Variants in ATP8B1 observed in about 807,000 individuals in gnomAD.
ATP8B1 encodes ATPase phospholipid transporting 8B1.
Under a neutral mutation model 149.9 loss-of-function variants are expected in ATP8B1, and 80 were observed. That is an observed-to-expected ratio of 0.53 (90% CI 0.45 to 0.64). The LOEUF is 0.64. ATP8B1 is among the 30% of genes least tolerant of loss of function. The pLI is 0.00. For missense variants in ATP8B1, 1,247 were observed against 1,552.6 expected (o/e 0.80, Z 3.31); for synonymous variants, 536 against 562.8 (o/e 0.95, Z 0.67).
At chr18:57,730,390 A>G (rs1027930638) in intron 2 of ATP8B1, among the ~76,000 whole-genome samples, 6 of 4,920 alleles carry the variant, frequency 1.2e-3, no homozygotes, top group African/African-American at 1.4e-3. Context: ...CCAGAACACT[A>G]TGATAATGAT....
At chr18:57,670,243 A>G (rs1911141334) in intron 17 of ATP8B1, among the ~76,000 whole-genome samples, 1 of 152,176 alleles carries the variant, frequency 6.6e-6, no homozygotes, top group Non-Finnish European at 1.5e-5. Flanking sequence ...CAATTCTAAA[A>G]TACACAAGCC....
intron 1 of ATP8B1, among the ~76,000 whole-genome samples, chr18:57,792,291 G>A (rs2080470570): frequency 6.6e-6 from 1 of 150,806 alleles, no homozygotes; most frequent in Non-Finnish European, 1.5e-5. Context: ...CAATAAGGAT[G>A]AAATTTTATT....
At chr18:57,798,373 C>T (rs1256708158) in intron 1 of ATP8B1, among the ~76,000 whole-genome samples, 6 of 147,236 alleles carry the variant, frequency 4.1e-5, no homozygotes, top group Non-Finnish European at 5.9e-5. Context: ...CCTAAGCGTT[C>T]AGGAGAAGCC....
chr18:57,742,115 C>A (rs547629063), intron 1 of ATP8B1, among the ~76,000 whole-genome samples: 1 of 152,142 alleles, frequency 6.6e-6, no homozygotes, highest in African/African-American at 2.4e-5. Flanking sequence ...AGTGATCCAC[C>A]CACCTCGGCC....
chr18:57,718,539 C>T (rs975870781), intron 2 of ATP8B1, among the ~76,000 whole-genome samples: 1 of 152,070 alleles, frequency 6.6e-6, no homozygotes, highest in Non-Finnish European at 1.5e-5. Flanking sequence ...CAAAACCAGA[C>T]AAAGACACAT....
At chr18:57,746,467 CTTTTTTTTTTTTT>C (rs71171082) in intron 1 of ATP8B1, among the ~76,000 whole-genome samples, 1 of 94,102 alleles carries the variant, frequency 1.1e-5, no homozygotes, top group Non-Finnish European at 2.0e-5. Flanking sequence ...CTGATGCTTA[CTTTTTTTTTTTTT>C]TTTTTTTTTT....
intron 16 of ATP8B1, among the ~76,000 whole-genome samples, 169 bp downstream of exon 16, chr18:57,674,665 C>T (rs1911484166): frequency 6.6e-6 from 1 of 151,998 alleles, no homozygotes; most frequent in Non-Finnish European, 1.5e-5. Context: ...GGATTACAGG[C>T]GTGAGCCACC....
intron 14 of ATP8B1, 55 bp from the exon 15 acceptor site, chr18:57,684,247 C>T: frequency 1.3e-6 from 2 of 1,543,506 alleles, no homozygotes; most frequent in Non-Finnish European, 8.8e-7. Flanking sequence ...TTTGACTTAA[C>T]AAATGACATG....
intron 20 of ATP8B1, 122 bp downstream of exon 20, chr18:57,666,970 G>A: frequency 1.2e-6 from 1 of 869,318 alleles, no homozygotes; most frequent in East Asian, 2.6e-5. Context: ...TTAAACATGA[G>A]GAAACTGCCC....
chr18:57,675,131 C>A, intron 15 of ATP8B1, 109 bp from the exon 16 acceptor site: 1 of 1,071,946 alleles, frequency 9.3e-7, no homozygotes. Flanking sequence ...CTGCAAAGCC[C>A]AAAACATCCC....
intron 11 of ATP8B1, among the ~76,000 whole-genome samples, chr18:57,693,822 A>G (rs1286091804): frequency 6.6e-6 from 1 of 152,154 alleles, no homozygotes; most frequent in Non-Finnish European, 1.5e-5. Context: ...TTTTTTTGTT[A>G]AAAACCTTTG....
chr18:57,663,563 G>T (rs1910644640), intron 20 of ATP8B1, among the ~76,000 whole-genome samples: 1 of 152,056 alleles, frequency 6.6e-6, no homozygotes, highest in Admixed American at 6.6e-5. Context: ...AACACACAAA[G>T]GTTCCTTCAA....
chr18:57,684,418 C>G (rs1037382276), intron 14 of ATP8B1, among the ~76,000 whole-genome samples: 1 of 151,902 alleles, frequency 6.6e-6, no homozygotes, highest in Non-Finnish European at 1.5e-5. Context: ...ACTCTGTCAC[C>G]CGGGCTGGAG....
intron 1 of ATP8B1, among the ~76,000 whole-genome samples, chr18:57,801,377 C>T (rs2663844): frequency 0.32 from 48,701 of 152,088 alleles, 8,934 homozygotes; most frequent in East Asian, 0.75. Context: ...GAGGAGTTAA[C>T]TGCAGGCAGG....
In ATP8B1 at chr18:57,802,480, C is replaced by G. The variant is rs978866475; in HGVS notation, c.-26+518G>C. Among the ~76,000 whole-genome samples, 7 of 152,344 alleles carry G rather than the reference C, an allele frequency of 4.6e-5. No individual in the cohort carries two copies. Among genetic ancestry groups the G allele is most frequent in the African/African-American group, 1.7e-4 (7 of 41,588 alleles). On this transcript the variant is annotated intron_variant, in intron 1 of 27. Transcript: ENST00000648908. This position sits in a 1 kb window ranked among gnomAD's most constrained non-coding sequence, Gnocchi z 4.9. ...GCTGGGGAGGAGAGCGATCTCACCC[C>G]CTCCATCCCTCCCGGCAGGTGGGCC...
chr18:57,722,895 C>T (rs1340729627), intron 2 of ATP8B1, among the ~76,000 whole-genome samples: 1 of 149,932 alleles, frequency 6.7e-6, no homozygotes, highest in Non-Finnish European at 1.5e-5. Context: ...AAAAGCTTAT[C>T]CACCATGATC....
intron 1 of ATP8B1, among the ~76,000 whole-genome samples, chr18:57,762,638 C>T (rs1427001580): frequency 2.0e-5 from 3 of 152,166 alleles, no homozygotes; most frequent in Non-Finnish European, 4.4e-5. Flanking sequence ...CAATAGGCTG[C>T]TTATATCCCG....
chr18:57,760,889 T>C (rs555081156), intron 1 of ATP8B1, among the ~76,000 whole-genome samples: 200 of 151,982 alleles, frequency 1.3e-3, no homozygotes, highest in South Asian at 4.4e-3. Context: ...CTCCAGAGGC[T>C]GAGGCAGGAG....
In ATP8B1 at chr18:57,669,319, A is replaced by G; in HGVS notation, c.2096T>C (p.Ile699Thr). The change falls in exon 18 of 28, where the codon ATT becomes ACT. Residue 699 changes from isoleucine (I) to threonine (T), a missense_variant and splice_region_variant. This residue lies in a region of ATP8B1 where 853 missense variants were observed against 1,035.7 expected (regional missense o/e 0.82). Coordinates refer to ENST00000648908, the MANE Select transcript of ATP8B1 (RefSeq NM_001374385.1). Reference protein sequence around the residue: ...KVYEEIEKDLILLGATAIEDK... With the variant: ...KVYEEIEKDLTLLGATAIEDK... ...AAAGTTATTAAGGCTAAAACTCACA[A>G]TTAAGTCTTTTTCAATCTCCTCATA... 2 of 1,598,802 alleles carry G rather than the reference A, an allele frequency of 1.3e-6. No individual in the cohort carries two copies. The highest frequency in any genetic ancestry group is 8.5e-7 in the Non-Finnish European group (1 of 1,175,124).
Sources: allele counts gnomAD v4.1 joint callset (sites outside exome capture counted in the v4.1 genomes callset), GRCh38; gene constraint gnomAD v4.1.1; regional missense constraint gnomAD v4.1.1; non-coding constraint Gnocchi (gnomAD v3.1); transcripts MANE v1.5; gene names NCBI Gene and HGNC (gene_info 2026-07-23, HGNC 2026-07-21).